ELMO1: variants seen among roughly 807,000 people sequenced by gnomAD.
ELMO1 encodes the protein engulfment and cell motility 1.
A neutral mutation model predicts 98.9 loss-of-function variants in ELMO1; 26 were observed. The ratio of observed to expected loss-of-function variants is 0.26; its 90% CI spans 0.19 to 0.36. The LOEUF (loss-of-function observed/expected upper bound fraction) is 0.36, where lower values mean the gene tolerates loss of function less well. ELMO1 is among the 10% of genes least tolerant of loss of function. ELMO1 has a pLI of 1.00. For synonymous variants in ELMO1, 346 were observed against 346.0 expected (o/e 1.00, Z 0.00); for missense variants, 627 against 935.2 (o/e 0.67, Z 4.30).
chr7:36,965,179 C>T (rs577387450), intron 16 of ELMO1, among the ~76,000 whole-genome samples: 2 of 152,234 alleles, frequency 1.3e-5, no homozygotes, highest in South Asian at 2.1e-4. Flanking sequence ...CCCTAAGATC[C>T]GTTTCTCCCC....
intron 13 of ELMO1, among the ~76,000 whole-genome samples, chr7:37,163,449 C>G (rs558990948): frequency 4.2e-4 from 64 of 152,048 alleles, no homozygotes; most frequent in African/African-American, 1.4e-3. Context: ...CCCACTAACT[C>G]GTCATCTAGC....
chr7:37,369,865 C>G (rs969891435), intron 1 of ELMO1, among the ~76,000 whole-genome samples: 1 of 152,156 alleles, frequency 6.6e-6, no homozygotes, highest in African/African-American at 2.4e-5. Flanking sequence ...ACATGCTGAA[C>G]TAATGAAGCA....
rs750882508 is a variant in ELMO1 at position 37,259,279 on chromosome 7, C to G, written c.315G>C (p.Lys105Asn). The part of the protein sequence containing the change: ...SSMDAKLEAL[K>N]DLASLSRDVT... ...CATCCCGGGAGAGGCTGGCCAAGTC[C>G]TTCAGGGCTTCCAGCTTGGCATCCA... The change falls in exon 6 of 22, where the codon AAG (lysine) becomes AAC (asparagine). Residue 105 changes from lysine (K) to asparagine (N), a missense_variant. Around this residue, in one of 3 missense-constraint regions of ELMO1, gnomAD observed 123 missense variants for 171.2 expected, o/e 0.72. Coordinates refer to ENST00000310758, the MANE Select transcript of ELMO1 (RefSeq NM_014800.11). The G allele has an allele frequency of 5.6e-6, 9 of 1,614,150 alleles. No homozygotes were observed. The highest frequency in any genetic ancestry group is 7.6e-6 in the Non-Finnish European group (9 of 1,180,010).
chr7:37,419,039 C>T (rs536248991), intron 1 of ELMO1, among the ~76,000 whole-genome samples: 17 of 152,076 alleles, frequency 1.1e-4, no homozygotes, highest in Non-Finnish European at 1.8e-4. Context: ...ACTCCTACCC[C>T]CCAGGACTGA....
chr7:36,944,724 G>C (rs1787335187), intron 16 of ELMO1, among the ~76,000 whole-genome samples: 2 of 152,176 alleles, frequency 1.3e-5, no homozygotes, highest in African/African-American at 4.8e-5. Flanking sequence ...AAAGTAATTG[G>C]GAAGCACAAT....
At chr7:37,077,048 A>G (rs182049697) in intron 15 of ELMO1, among the ~76,000 whole-genome samples, 1 of 152,298 alleles carries the variant, frequency 6.6e-6, no homozygotes, top group African/African-American at 2.4e-5. Flanking sequence ...CCAGTTCAGT[A>G]TGGTAGCCAC....
At chr7:37,072,852 A>T (rs879688023) in intron 15 of ELMO1, among the ~76,000 whole-genome samples, 1 of 152,236 alleles carries the variant, frequency 6.6e-6, no homozygotes, top group African/African-American at 2.4e-5. Context: ...TATGTCAAAA[A>T]ATGTTTAACC....
chr7:36,853,910 G>A lies in ELMO1; in HGVS notation c.*1641C>T, dbSNP rs192251867. Among the ~76,000 whole-genome samples the A allele has an allele frequency of 1.9e-4, 29 of 152,198 alleles. No individual in the cohort carries two copies. The East Asian group carries it at 4.6e-3, about 24-fold the overall frequency. ...TCTGACCTATAATTTATTAACCCAC[G>A]GTTAGATTTATTTAGTTCTGGCTTA... On this transcript the variant is annotated 3_prime_UTR_variant, in exon 22 of 22. Coordinates refer to ENST00000310758, the MANE Select transcript of ELMO1 (RefSeq NM_014800.11).
At chr7:37,284,806 A>C (rs887739221) in intron 4 of ELMO1, among the ~76,000 whole-genome samples, 2 of 152,050 alleles carry the variant, frequency 1.3e-5, no homozygotes, top group African/African-American at 2.4e-5. Context: ...AAGCCCAAAT[A>C]TTCCAGTTAT....
chr7:37,335,103 A>C (rs1800327647), intron 2 of ELMO1, among the ~76,000 whole-genome samples: 1 of 152,268 alleles, frequency 6.6e-6, no homozygotes, highest in African/African-American at 2.4e-5. Flanking sequence ...AGCATGAAAA[A>C]AGAAAAATGT....
intron 15 of ELMO1, among the ~76,000 whole-genome samples, chr7:37,070,262 T>A (rs1478660620): frequency 6.6e-6 from 1 of 152,176 alleles, no homozygotes; most frequent in African/African-American, 2.4e-5. Flanking sequence ...GCTGCTTAAG[T>A]CTCTTCATTC....
At chr7:37,419,080 C>T (rs1040088766) in intron 1 of ELMO1, among the ~76,000 whole-genome samples, 4 of 152,116 alleles carry the variant, frequency 2.6e-5, no homozygotes, top group African/African-American at 9.7e-5. Flanking sequence ...GCAGGGAGAA[C>T]AGAAACAGCC....
intron 2 of ELMO1, among the ~76,000 whole-genome samples, chr7:37,323,875 C>A (rs1350189609): frequency 6.6e-6 from 1 of 152,168 alleles, no homozygotes; most frequent in African/African-American, 2.4e-5. Flanking sequence ...GATGCCCTGC[C>A]ACCCTTTTAA....
intron 16 of ELMO1, among the ~76,000 whole-genome samples, chr7:36,903,484 C>A (rs1473545196): frequency 6.6e-6 from 1 of 152,196 alleles, no homozygotes; most frequent in African/African-American, 2.4e-5. Context: ...GAATAATGGG[C>A]TCATCAAATG....
At chr7:37,014,585 A>G (rs7798920) in intron 15 of ELMO1, among the ~76,000 whole-genome samples, 42,886 of 151,864 alleles carry the variant, frequency 0.28, 8,047 homozygotes, top group African/African-American at 0.54. Flanking sequence ...TTTAAGCCCC[A>G]CATGCATTAG....
chr7:36,862,249 T>C (rs143174258), intron 20 of ELMO1: 3 of 163,424 alleles, frequency 1.8e-5, no homozygotes, highest in East Asian at 1.7e-4. Flanking sequence ...GTGGACGCTA[T>C]GCCAGCTTTA....
At chr7:37,144,995 C>T (rs1013769129) in intron 13 of ELMO1, among the ~76,000 whole-genome samples, 32 of 152,184 alleles carry the variant, frequency 2.1e-4, no homozygotes, top group Admixed American at 1.6e-3. Context: ...TAAATATAAT[C>T]TAGGCTGGTC....
At chr7:37,445,383 G>C (rs985080093) in intron 1 of ELMO1, among the ~76,000 whole-genome samples, 2 of 152,210 alleles carry the variant, frequency 1.3e-5, no homozygotes, top group African/African-American at 4.8e-5. Flanking sequence ...ACAAGCTTGA[G>C]TTACAAACCT....
At chr7:37,145,114 G>A (rs1311992264) in intron 13 of ELMO1, among the ~76,000 whole-genome samples, 1 of 152,170 alleles carries the variant, frequency 6.6e-6, no homozygotes, top group Non-Finnish European at 1.5e-5. Flanking sequence ...CTGATTGCTG[G>A]CCCCACCCCA....
Sources: allele counts gnomAD v4.1 joint callset (sites outside exome capture counted in the v4.1 genomes callset), GRCh38; gene constraint gnomAD v4.1.1; regional missense constraint gnomAD v4.1.1; transcripts MANE v1.5; gene names NCBI Gene and HGNC (gene_info 2026-07-23, HGNC 2026-07-21).